ARAP2: variants seen among roughly 807,000 people sequenced by gnomAD.
ARAP2 encodes the protein ArfGAP with RhoGAP domain, ankyrin repeat and PH domain 2, also known as arf-GAP with Rho-GAP domain, ANK repeat and PH domain-containing protein 2.
In ARAP2, 148 loss-of-function variants were observed where a neutral mutation model predicts 194.5. The observed-to-expected ratio is 0.76, with a 90% CI of 0.67 to 0.87. The LOEUF is 0.87. Among genes scored for constraint, ARAP2 ranks in the 40% least tolerant of loss-of-function variants. The probability of loss-of-function intolerance (pLI) is 0.00; values close to 1 mark genes in which losing one functional copy is unlikely to be tolerated. For synonymous variants in ARAP2, 695 were observed against 683.5 expected (o/e 1.02, Z -0.26); for missense variants, 2,128 against 1,989.7 (o/e 1.07, Z -1.32).
At chr4:36,023,039 G>A (rs1053458119) in intron 5 of ARAP2, among the ~76,000 whole-genome samples, 2 of 152,098 alleles carry the variant, frequency 1.3e-5, no homozygotes, top group Non-Finnish European at 2.9e-5. Flanking sequence ...GTCTCTCCTT[G>A]TCATCAGTCA....
intron 2 of ARAP2, among the ~76,000 whole-genome samples, chr4:36,055,243 A>G (rs1016412913): frequency 6.6e-6 from 1 of 152,190 alleles, no homozygotes; most frequent in Non-Finnish European, 1.5e-5. Flanking sequence ...CAATCCTGTA[A>G]TTTTGTAATA....
intron 19 of ARAP2, among the ~76,000 whole-genome samples, 175 bp from the exon 20 acceptor site, chr4:36,133,564 T>C (rs1472526240): frequency 5.3e-5 from 8 of 151,768 alleles, no homozygotes; most frequent in Non-Finnish European, 1.0e-4. Flanking sequence ...CATCACTCCA[T>C]AGCATTGAGG....
chr4:36,030,403 A>G (rs1033381956), intron 5 of ARAP2, among the ~76,000 whole-genome samples: 1 of 152,114 alleles, frequency 6.6e-6, no homozygotes, highest in Non-Finnish European at 1.5e-5. Context: ...TTCTGAGTTA[A>G]TATTTCCATG....
intron 15 of ARAP2, among the ~76,000 whole-genome samples, chr4:36,156,510 GAGGA>G (rs56696370): frequency 2.7e-4 from 39 of 144,102 alleles, no homozygotes; most frequent in African/African-American, 4.4e-4. Flanking sequence ...AGGAAGGAGG[GAGGA>G]AGGAAGGAAG....
In ARAP2 at chr4:36,093,667, G is replaced by T. The variant is rs1003686075; in HGVS notation, c.4286-1647C>A. Among the ~76,000 whole-genome samples, 11 of 152,166 alleles carry T rather than the reference G, an allele frequency of 7.2e-5. No individual in the cohort carries two copies. In the East Asian group the frequency reaches 2.1e-3, roughly 29 times the overall value. ...TTTGGATTCAGGGGTACATGTGCAG[G>T]TTTGTTACAACGGTGTGTAACGCTG... On this transcript the variant is annotated intron_variant, in intron 27 of 32. Transcript: ENST00000303965.
chr4:36,203,056 G>C (rs1744745947), intron 6 of ARAP2, among the ~76,000 whole-genome samples: 1 of 152,166 alleles, frequency 6.6e-6, no homozygotes, highest in African/African-American at 2.4e-5. Context: ...AGTTTAAGAT[G>C]TAGACTTGCA....
chr4:36,238,403 T>TA (rs1405814789), intron 1 of ARAP2, among the ~76,000 whole-genome samples: 1 of 152,174 alleles, frequency 6.6e-6, no homozygotes, highest in East Asian at 1.9e-4. Context: ...ACGCAATAGA[T>TA]AAACAGTGGA....
intron 24 of ARAP2, among the ~76,000 whole-genome samples, chr4:36,117,986 T>C (rs190049970): frequency 7.3e-4 from 110 of 151,572 alleles, no homozygotes; most frequent in African/African-American, 2.6e-3. Flanking sequence ...TATCACCTGA[T>C]TTAAATAAAA....
intron 2 of ARAP2, among the ~76,000 whole-genome samples, chr4:36,217,594 G>C (rs1421703014): frequency 6.6e-6 from 1 of 151,534 alleles, no homozygotes; most frequent in African/African-American, 2.4e-5. Flanking sequence ...CTTACTAATA[G>C]GGTTGACATA....
intron 28 of ARAP2, among the ~76,000 whole-genome samples, chr4:36,083,996 C>T (rs1229873055): frequency 1.3e-5 from 2 of 152,122 alleles, no homozygotes; most frequent in African/African-American, 4.8e-5. Flanking sequence ...TGCCCTTGAA[C>T]ATCAGACTCC....
intron 15 of ARAP2, among the ~76,000 whole-genome samples, chr4:36,153,733 A>G (rs1168447279): frequency 1.3e-5 from 2 of 152,196 alleles, no homozygotes; most frequent in Non-Finnish European, 2.9e-5. Flanking sequence ...GCTACAGCCT[A>G]CAGGACAACA....
chr4:36,119,665 C>T lies in ARAP2; in HGVS notation c.3948G>A (p.Lys1316=), dbSNP rs1203462931. Residue 1316 remains lysine (K), a synonymous_variant, in exon 24 of 33, where the codon AAG becomes AAA. Coordinates refer to ENST00000303965, the MANE Select transcript of ARAP2 (RefSeq NM_015230.4). ...TACTACTCACTTGGGTGTCTTTCCACTTGGTAATAAAGCTATTTTCTATGT... is the reference window on the plus strand; with the variant it reads ...TACTACTCACTTGGGTGTCTTTCCATTTGGTAATAAAGCTATTTTCTATGT... ...QMDIENSFIT[K]WKDTQVSQAG... The T allele has an allele frequency of 1.3e-5, 21 of 1,602,986 alleles. No homozygotes were observed. Among genetic ancestry groups the T allele is most frequent in the East Asian group, 2.2e-5 (1 of 44,634 alleles).
At chr4:36,085,302 G>A (rs1730554514) in intron 28 of ARAP2, among the ~76,000 whole-genome samples, 1 of 151,964 alleles carries the variant, frequency 6.6e-6, no homozygotes. Flanking sequence ...TAAATATTCA[G>A]TTCCATGGTC....
At chr4:36,111,326 T>C (rs1239929874) in intron 26 of ARAP2, among the ~76,000 whole-genome samples, 1 of 151,952 alleles carries the variant, frequency 6.6e-6, no homozygotes, top group African/African-American at 2.4e-5. Context: ...ATATAAAGCC[T>C]TCAACATGTG....
At chr4:36,131,626 G>A (rs1330122808) in intron 20 of ARAP2, among the ~76,000 whole-genome samples, 2 of 151,590 alleles carry the variant, frequency 1.3e-5, no homozygotes, top group African/African-American at 4.8e-5. Flanking sequence ...TAAACACAAG[G>A]AAAATTCTGA....
At chr4:36,081,057 T>C (rs779020885) in intron 30 of ARAP2, among the ~76,000 whole-genome samples, 4 of 152,150 alleles carry the variant, frequency 2.6e-5, no homozygotes, top group Non-Finnish European at 5.9e-5. Flanking sequence ...ATCAAAATAA[T>C]TTACCTGAAA....
intron 3 of ARAP2, among the ~76,000 whole-genome samples, chr4:36,051,747 T>C (rs1160297945): frequency 6.6e-6 from 1 of 152,184 alleles, no homozygotes; most frequent in African/African-American, 2.4e-5. Flanking sequence ...TTAGTGAATA[T>C]TTATAAATCT....
At chr4:36,183,687 C>T (rs1026908448) in intron 8 of ARAP2, among the ~76,000 whole-genome samples, 3 of 152,168 alleles carry the variant, frequency 2.0e-5, no homozygotes, top group African/African-American at 7.2e-5. Context: ...GACTTAATTT[C>T]GTACTTTGGG....
Position 36,101,214 on chromosome 4 carries a change from G to A in ARAP2, c.4285+6351C>T, listed in dbSNP as rs73806450. On this transcript the variant is annotated intron_variant, in intron 27 of 32. Coordinates refer to ENST00000303965, the MANE Select transcript of ARAP2 (RefSeq NM_015230.4). ...ATCCACGACAAGCAGGTGGCAGGGG[G>A]GAGACGTGGTAGTGTCCTGTAACCC... is the stretch of plus-strand genomic sequence containing the variant. Among the ~76,000 whole-genome samples, 786 of 152,004 alleles carry A rather than the reference G, an allele frequency of 5.2e-3. 8 individuals carry two copies. Among genetic ancestry groups the A allele is most frequent in the African/African-American group, 0.018 (741 of 41,508 alleles).
Sources: gnomAD v4.1 joint callset for allele counts (sites outside exome capture counted in the v4.1 genomes callset) on GRCh38, gnomAD v4.1.1 for gene constraint, MANE v1.5 for transcripts, NCBI Gene and HGNC (gene_info 2026-07-23, HGNC 2026-07-21) for gene names.